The following PLXNC1 variants were observed in gnomAD, a reference collection of about 807,000 sequenced individuals.
PLXNC1 encodes plexin C1, also known as plexin-C1.
Under a neutral mutation model 178.2 loss-of-function variants are expected in PLXNC1, and 75 were observed. The observed-to-expected ratio is 0.42, with a 90% CI of 0.35 to 0.51. The LOEUF is 0.51. Among genes scored for constraint, PLXNC1 ranks in the 20% least tolerant of loss-of-function variants. The pLI, the probability that PLXNC1 is intolerant of heterozygous loss-of-function variation, is 0.02. For missense variants in PLXNC1, 1,503 were observed against 1,984.4 expected (o/e 0.76, Z 4.61); for synonymous variants, 790 against 779.9 (o/e 1.01, Z -0.22).
chr12:94,243,889 G>A (rs1565827042), intron 11 of PLXNC1, 49 bp from the exon 12 acceptor site: 4 of 851,310 alleles, frequency 4.7e-6, no homozygotes, highest in Non-Finnish European at 7.6e-6. Flanking sequence ...AATGCAAAAT[G>A]CCTGTGTGTT....
intron 24 of PLXNC1, 64 bp from the exon 25 acceptor site, chr12:94,297,125 C>T: frequency 3.2e-6 from 5 of 1,538,610 alleles, no homozygotes; most frequent in Non-Finnish European, 4.5e-6. Flanking sequence ...TAAGAGAAGG[C>T]CGATTAGCCC....
At chr12:94,177,173 ATACG>A (rs1222343520) in intron 2 of PLXNC1, among the ~76,000 whole-genome samples, 140 of 53,368 alleles carry the variant, frequency 2.6e-3, no homozygotes, top group African/African-American at 7.9e-3. Context: ...ATATATATAT[ATACG>A]TATATATATG....
intron 23 of PLXNC1, among the ~76,000 whole-genome samples, chr12:94,293,745 G>A (rs1010482099): frequency 1.3e-5 from 2 of 152,102 alleles, no homozygotes; most frequent in Non-Finnish European, 2.9e-5. Flanking sequence ...CAGCCTCCCA[G>A]GTAGCTGGGA....
intron 21 of PLXNC1, among the ~76,000 whole-genome samples, chr12:94,275,356 G>A (rs956221081): frequency 1.4e-4 from 22 of 152,354 alleles, no homozygotes; most frequent in African/African-American, 4.8e-4. Flanking sequence ...GAGTGTGGGA[G>A]CCGGAGAGAT....
At chr12:94,293,456 G>A (rs1410930299) in intron 23 of PLXNC1, among the ~76,000 whole-genome samples, 2 of 152,180 alleles carry the variant, frequency 1.3e-5, no homozygotes, top group Admixed American at 1.3e-4. Flanking sequence ...TGACTGGGTG[G>A]CTTAAACATT....
chr12:94,265,852 C>T (rs1965203188), intron 21 of PLXNC1, among the ~76,000 whole-genome samples: 1 of 152,146 alleles, frequency 6.6e-6, no homozygotes, highest in Admixed American at 6.5e-5. Flanking sequence ...CCCACCGCAC[C>T]CACCCCATGC....
At chr12:94,225,195 G>A (rs371879858) in intron 7 of PLXNC1, among the ~76,000 whole-genome samples, 1 of 152,152 alleles carries the variant, frequency 6.6e-6, no homozygotes, top group African/African-American at 2.4e-5. Flanking sequence ...TGGAAGTTGG[G>A]ATGGAGGCCT....
intron 23 of PLXNC1, among the ~76,000 whole-genome samples, chr12:94,287,895 C>T (rs1966874947): frequency 6.6e-6 from 1 of 152,234 alleles, no homozygotes; most frequent in Admixed American, 6.5e-5. Context: ...TTTCCGTCTT[C>T]TTTACCGCTC....
chr12:94,195,216 C>T (rs1315787235), intron 4 of PLXNC1, among the ~76,000 whole-genome samples: 2 of 152,142 alleles, frequency 1.3e-5, no homozygotes, highest in Non-Finnish European at 2.9e-5. Flanking sequence ...ATCCCACTGG[C>T]AGTGTGGAAG....
intron 4 of PLXNC1, among the ~76,000 whole-genome samples, chr12:94,206,006 G>T (rs1016365302): frequency 1.3e-5 from 2 of 152,192 alleles, no homozygotes; most frequent in East Asian, 1.9e-4. Flanking sequence ...TGTTTCATCC[G>T]TAAAGAGTGA....
intron 5 of PLXNC1, among the ~76,000 whole-genome samples, chr12:94,213,483 T>C (rs1565813087): frequency 1.3e-5 from 2 of 152,226 alleles, no homozygotes; most frequent in South Asian, 2.1e-4. Flanking sequence ...ATCCTTTGCC[T>C]ACTTTTTGAT....
intron 21 of PLXNC1, among the ~76,000 whole-genome samples, chr12:94,276,752 A>G (rs116611876): frequency 0.027 from 4,161 of 152,248 alleles, 189 homozygotes; most frequent in African/African-American, 0.095. Flanking sequence ...TCTGCCCACC[A>G]GCTCCCTGCC....
chr12:94,298,896 T>C, intron 27 of PLXNC1, 101 bp downstream of exon 27: 1 of 1,143,320 alleles, frequency 8.7e-7, no homozygotes, highest in East Asian at 2.6e-5. Flanking sequence ...TTTATCTCTA[T>C]ATCAGAATCT....
rs189361992 is a variant in PLXNC1, at chr12:94,161,833, G to A, written c.1063-7320G>A. ...AGAACCAAGGCCCAGTATTTACAAGGGACGAATCTTGGCTCAATTAAAGAA... is the reference window on the plus strand; with the variant it reads ...AGAACCAAGGCCCAGTATTTACAAGAGACGAATCTTGGCTCAATTAAAGAA... On this transcript the variant is annotated intron_variant, in intron 1 of 30. Coordinates refer to ENST00000258526, the MANE Select transcript of PLXNC1 (RefSeq NM_005761.3). 1.7e-3 allele frequency among the ~76,000 whole-genome samples: 258 copies of A among 152,234 alleles called. 3 individuals are homozygous for A. Among genetic ancestry groups the A allele is most frequent in the African/African-American group, 5.8e-3 (242 of 41,524 alleles).
intron 15 of PLXNC1, among the ~76,000 whole-genome samples, chr12:94,252,665 C>G (rs192290669): frequency 6.6e-6 from 1 of 152,286 alleles, no homozygotes; most frequent in Admixed American, 6.5e-5. Context: ...AGATTTGGAT[C>G]ATTGGATCCC....
At chr12:94,155,980 G>A (rs556622022) in intron 1 of PLXNC1, among the ~76,000 whole-genome samples, 51 of 152,334 alleles carry the variant, frequency 3.3e-4, no homozygotes, top group Admixed American at 6.5e-4. Flanking sequence ...AAGCAATGCT[G>A]TGTTATGGTT....
intron 20 of PLXNC1, among the ~76,000 whole-genome samples, 178 bp from the exon 21 acceptor site, chr12:94,264,901 G>GT (rs1392679619): frequency 6.6e-6 from 1 of 152,224 alleles, no homozygotes; most frequent in African/African-American, 2.4e-5. Context: ...AGAGGAGGCG[G>GT]TTTTCTGAGT....
intron 4 of PLXNC1, among the ~76,000 whole-genome samples, chr12:94,187,989 G>T (rs1962583847): frequency 1.3e-5 from 2 of 152,212 alleles, no homozygotes; most frequent in African/African-American, 4.8e-5. Context: ...AAGAAATAAG[G>T]AGGGAGCAGT....
intron 13 of PLXNC1, 52 bp from the exon 14 acceptor site, chr12:94,248,174 CG>C: frequency 6.3e-7 from 1 of 1,592,322 alleles, no homozygotes; most frequent in South Asian, 1.1e-5. Flanking sequence ...TGTTTATGCT[CG>C]TGAGTTTCTA....
Sources: gnomAD v4.1 joint callset for allele counts (sites outside exome capture counted in the v4.1 genomes callset) on GRCh38, gnomAD v4.1.1 for gene constraint, MANE v1.5 for transcripts, NCBI Gene and HGNC (gene_info 2026-07-23, HGNC 2026-07-21) for gene names.